NAXD: variants seen among roughly 807,000 people sequenced by gnomAD.
NAXD encodes NAD(P)HX dehydratase.
A neutral mutation model predicts 35.8 loss-of-function variants in NAXD; 22 were observed. That is an observed-to-expected ratio of 0.62 (90% CI 0.44 to 0.88). The LOEUF (loss-of-function observed/expected upper bound fraction) is 0.88, where lower values mean the gene tolerates loss of function less well. NAXD is among the 40% of genes least tolerant of loss of function. NAXD has a pLI of 0.00. For synonymous variants in NAXD, 189 were observed against 177.6 expected (o/e 1.06, Z -0.51); for missense variants, 428 against 437.7 (o/e 0.98, Z 0.20).
Position 110,638,592 on chromosome 13 carries a change from A to T in NAXD, c.*64A>T. ...GGGAGAGCGTGTGTGTGATGGGAAA[A>T]TCCGGACCCACGCGTGTGCTGAAGG... On this transcript the variant is annotated 3_prime_UTR_variant, in exon 10 of 10. Coordinates refer to ENST00000680254, the MANE Select transcript of NAXD (RefSeq NM_001242882.2). The surrounding 1 kb of genome is among the most constrained non-coding windows in gnomAD (Gnocchi z 5.4). 1 of 1,584,818 alleles carries T rather than the reference A, an allele frequency of 6.3e-7. No homozygotes were observed. Among genetic ancestry groups the T allele is most frequent in the Non-Finnish European group, 8.6e-7 (1 of 1,158,476 alleles).
At position 110,638,319 on chromosome 13, in the gene NAXD, G is replaced by C; in HGVS notation, c.840-59G>C. The C allele has an allele frequency of 6.2e-7, 1 of 1,612,686 alleles. No individual in the cohort carries two copies. The highest frequency in any genetic ancestry group is 8.5e-7 in the Non-Finnish European group (1 of 1,179,432). Reference sequence around the variant, plus strand: ...GTCAAAACCAGAGCCCAGGGTAGCTGCGGCCCCCGGACCACGACGCCCACT... The same window carrying C: ...GTCAAAACCAGAGCCCAGGGTAGCTCCGGCCCCCGGACCACGACGCCCACT... On this transcript the variant is annotated intron_variant, in intron 9 of 9. Transcript: ENST00000680254. This position sits in a 1 kb window ranked among gnomAD's most constrained non-coding sequence, Gnocchi z 5.4.
At chr13:110,623,106 G>C (rs75732117) in intron 2 of NAXD, among the ~76,000 whole-genome samples, 3,765 of 152,244 alleles carry the variant, frequency 0.025, 169 homozygotes, top group African/African-American at 0.086. Flanking sequence ...CTTTGCTAGT[G>C]AAGTCGACAA....
intron 2 of NAXD, 119 bp downstream of exon 2, chr13:110,622,485 T>TA: frequency 1.0e-6 from 1 of 969,896 alleles, no homozygotes; most frequent in Non-Finnish European, 1.5e-6. Flanking sequence ...TGCAGCCTGA[T>TA]AGGACACTCA....
chr13:110,616,614 C>T (rs915249504), intron 1 of NAXD, among the ~76,000 whole-genome samples: 13 of 152,186 alleles, frequency 8.5e-5, no homozygotes, highest in African/African-American at 3.1e-4. Context: ...GCTTGGAGCC[C>T]CATCTCTTCA....
chr13:110,634,644 A>G (rs527631121), intron 6 of NAXD, 28 bp from the exon 7 acceptor site: 3 of 1,614,012 alleles, frequency 1.9e-6, no homozygotes, highest in Admixed American at 1.7e-5. Flanking sequence ...AGGCCTGTGC[A>G]GTGAGCACGG....
intron 1 of NAXD, among the ~76,000 whole-genome samples, chr13:110,618,281 C>G (rs1886133141): frequency 6.6e-6 from 1 of 152,106 alleles, no homozygotes; most frequent in Admixed American, 6.5e-5. Flanking sequence ...GCTTCTTGTT[C>G]TCCAGGGTTC....
intron 5 of NAXD, among the ~76,000 whole-genome samples, 196 bp downstream of exon 5, chr13:110,627,743 G>A (rs746257501): frequency 6.6e-6 from 1 of 152,184 alleles, no homozygotes; most frequent in Admixed American, 6.5e-5. Context: ...GCTTCTCTCC[G>A]GGCCCGACTG....
At chr13:110,631,625 A>G (rs1886700054) in intron 5 of NAXD, among the ~76,000 whole-genome samples, 1 of 152,256 alleles carries the variant, frequency 6.6e-6, no homozygotes, top group South Asian at 2.1e-4. Flanking sequence ...ACAGATGAAA[A>G]TGTCAGATTG....
chr13:110,622,137 G>T (rs1353586755), intron 1 of NAXD, 79 bp from the exon 2 acceptor site: 2 of 1,159,780 alleles, frequency 1.7e-6, no homozygotes, highest in African/African-American at 3.1e-5. Flanking sequence ...CTTTGGAGAG[G>T]GTTTTGGTTA....
chr13:110,625,475 G>C (rs1438217314), intron 4 of NAXD, among the ~76,000 whole-genome samples, 197 bp downstream of exon 4: 3 of 152,254 alleles, frequency 2.0e-5, no homozygotes, highest in Admixed American at 2.0e-4. Flanking sequence ...GGGTGGAGAG[G>C]TGGGTGGGGG....
Position 110,638,378 on chromosome 13 carries a change from G to A in NAXD, c.840G>A (p.Gly280=). 1 of 1,613,824 alleles carries A rather than the reference G, an allele frequency of 6.2e-7. No homozygotes were observed. The highest frequency in any genetic ancestry group is 8.5e-7 in the Non-Finnish European group (1 of 1,180,014). Reference sequence around the variant, plus strand: ...CCTCCTGCTGTCCCCCTCTCCGCAGGTCCAGCCCTCTCCTGGTGGCCGCGT... The same window carrying A: ...CCTCCTGCTGTCCCCCTCTCCGCAGATCCAGCCCTCTCCTGGTGGCCGCGT... The part of the protein sequence containing the change: ...ALLAGPQKTN[G]SSPLLVAAFG... Residue 280 remains glycine (G), a splice_region_variant and synonymous_variant, in exon 10 of 10, where the codon GGG becomes GGA. Transcript: ENST00000680254. The surrounding 1 kb of genome is among the most constrained non-coding windows in gnomAD (Gnocchi z 5.4).
At chr13:110,631,201 G>T (rs7327168) in intron 5 of NAXD, among the ~76,000 whole-genome samples, 5,185 of 152,240 alleles carry the variant, frequency 0.034, 319 homozygotes, top group African/African-American at 0.12. Flanking sequence ...TTGCACACTC[G>T]TTAACAGTGT....
At chr13:110,636,471 C>A (rs1886931324) in intron 8 of NAXD, among the ~76,000 whole-genome samples, 1 of 152,148 alleles carries the variant, frequency 6.6e-6, no homozygotes, top group South Asian at 2.1e-4. Context: ...CTCGCACACG[C>A]CCTCGCACAC....
At chr13:110,629,837 C>T (rs1886640023) in intron 5 of NAXD, among the ~76,000 whole-genome samples, 2 of 152,150 alleles carry the variant, frequency 1.3e-5, no homozygotes, top group African/African-American at 4.8e-5. Context: ...TTTCCATTCC[C>T]TCTAGCAGTG....
At position 110,622,213 on chromosome 13, in the gene NAXD, C is replaced by G; in HGVS notation, c.47-3C>G. ...TGAATTATTCATTTTTCTTGTCTTT[C>G]AGTTTTAGAAAGAGCGTTTTCGCTA... On this transcript the variant is annotated splice_region_variant and splice_polypyrimidine_tract_variant and intron_variant, in intron 1 of 9. Coordinates refer to ENST00000680254, the MANE Select transcript of NAXD (RefSeq NM_001242882.2). 1 of 1,608,268 alleles carries G rather than the reference C, an allele frequency of 6.2e-7. No homozygotes were observed. The highest frequency in any genetic ancestry group is 8.5e-7 in the Non-Finnish European group (1 of 1,176,810).
At chr13:110,627,418 G>C in intron 4 of NAXD, 21 bp from the exon 5 acceptor site, 1 of 1,551,450 alleles carries the variant, frequency 6.4e-7, no homozygotes, top group Non-Finnish European at 8.9e-7. Context: ...TAACCATCCT[G>C]GCCTTCCTTT....
chr13:110,638,184 A>G lies in NAXD; in HGVS notation c.840-194A>G. 9 of 1,478,122 alleles carry G rather than the reference A, an allele frequency of 6.1e-6. No homozygotes were observed. The highest frequency in any genetic ancestry group is 8.2e-6 in the Non-Finnish European group (9 of 1,096,986). The allele number at this position is 1,478,122 out of a possible 1,614,324, so 91.6% of individuals were successfully genotyped here. A position where few individuals can be genotyped will look rare whatever the true frequency, so the allele number is the denominator to read the frequency against. On this transcript the variant is annotated intron_variant, in intron 9 of 9. Coordinates refer to ENST00000680254, the MANE Select transcript of NAXD (RefSeq NM_001242882.2). The surrounding 1 kb of genome is among the most constrained non-coding windows in gnomAD (Gnocchi z 5.4). Reference sequence around the variant, plus strand: ...AGACGTTTCCTGTGTGCCTCCTGCCAGGGAGTAGTGGAGGGTTAATGGTGG... The same window carrying G: ...AGACGTTTCCTGTGTGCCTCCTGCCGGGGAGTAGTGGAGGGTTAATGGTGG...
rs749585379 is a variant in NAXD at position 110,628,943 on chromosome 13, C to T, written c.441+1396C>T. Among the ~76,000 whole-genome samples the T allele has an allele frequency of 3.7e-4, 57 of 152,210 alleles. No homozygotes were observed. The highest frequency in any genetic ancestry group is 7.6e-4 in the Non-Finnish European group (52 of 68,030). ...GGTATCTTAAAAAACCACTGTACTG[C>T]GTGGAAGTGTGAAAGGTGGGAAGTG... On this transcript the variant is annotated intron_variant, in intron 5 of 9. Coordinates refer to ENST00000680254, the MANE Select transcript of NAXD (RefSeq NM_001242882.2). The surrounding 1 kb of genome is among the most constrained non-coding windows in gnomAD (Gnocchi z 4.1).
rs1886590182 is a variant in NAXD, at chr13:110,628,690, C to T, written c.441+1143C>T. On this transcript the variant is annotated intron_variant, in intron 5 of 9. Coordinates refer to ENST00000680254, the MANE Select transcript of NAXD (RefSeq NM_001242882.2). The surrounding 1 kb of genome is among the most constrained non-coding windows in gnomAD (Gnocchi z 4.1). ...GAGCTTTAAGGTCTTACCCGCTCAC[C>T]GGGAAGGAGGAGGTGGCCATGTTTA... Among the ~76,000 whole-genome samples the T allele has an allele frequency of 1.3e-5, 2 of 151,886 alleles. No homozygotes were observed. Among genetic ancestry groups the T allele is most frequent in the Non-Finnish European group, 2.9e-5 (2 of 68,002 alleles).
Sources: gnomAD v4.1 joint callset for allele counts (sites outside exome capture counted in the v4.1 genomes callset) on GRCh38, gnomAD v4.1.1 for gene constraint, Gnocchi (gnomAD v3.1) non-coding constraint, MANE v1.5 for transcripts, NCBI Gene and HGNC (gene_info 2026-07-23, HGNC 2026-07-21) for gene names.